RAI1: variants seen among roughly 807,000 people sequenced by gnomAD.
The protein encoded by RAI1 is retinoic acid induced 1.
RAI1 carries 9 observed loss-of-function variants against 123.8 expected under a neutral mutation model. The observed-to-expected ratio is 0.07, with a 90% CI of 0.04 to 0.13. RAI1 has a LOEUF of 0.13. Ranked by LOEUF, RAI1 falls within the 10% of genes least tolerant of loss-of-function variation. RAI1 has a pLI of 1.00. For synonymous variants in RAI1, 1,231 were observed against 1,127.3 expected (o/e 1.09, Z -1.84); for missense variants, 2,256 against 2,545.8 (o/e 0.89, Z 2.45).
intron 2 of RAI1, among the ~76,000 whole-genome samples, chr17:17,790,919 A>G (rs1419864249): frequency 6.6e-6 from 1 of 152,172 alleles, no homozygotes; most frequent in East Asian, 1.9e-4. Context: ...CCAGACCAGA[A>G]CCAAGTGCCG....
At chr17:17,718,935 G>T (rs1032576577) in intron 1 of RAI1, among the ~76,000 whole-genome samples, 6 of 152,140 alleles carry the variant, frequency 3.9e-5, no homozygotes, top group African/African-American at 1.4e-4. Flanking sequence ...TCTCCCACCA[G>T]CCCCACTAGC....
rs78612417 is a variant in RAI1, at chr17:17,800,619, C to T, written c.5565+2106C>T. Among the ~76,000 whole-genome samples, 68 of 152,342 alleles carry T rather than the reference C, an allele frequency of 4.5e-4. No homozygotes were observed. The East Asian group carries it at 5.6e-3, about 13-fold the overall frequency. The stretch of plus-strand genomic sequence containing the variant: ...GAGGCGCTAGCTTCCCTACACCACG[C>T]GGGGGCTGGAACTTGCCAGCCCAGC... On this transcript the variant is annotated intron_variant, in intron 3 of 5. Coordinates refer to ENST00000353383, the MANE Select transcript of RAI1 (RefSeq NM_030665.4). The surrounding 1 kb of genome is among the most constrained non-coding windows in gnomAD (Gnocchi z 4.7).
intron 2 of RAI1, among the ~76,000 whole-genome samples, chr17:17,772,125 A>G (rs1479928936): frequency 6.6e-6 from 1 of 152,186 alleles, no homozygotes; most frequent in African/African-American, 2.4e-5. Flanking sequence ...GGCAATATGT[A>G]CGGGAGGTTG....
At chr17:17,716,254 G>C (rs1017143939) in intron 1 of RAI1, among the ~76,000 whole-genome samples, 1 of 152,224 alleles carries the variant, frequency 6.6e-6, no homozygotes, top group African/African-American at 2.4e-5. Context: ...GGGTGGTTAA[G>C]CCACCCAGAG....
intron 1 of RAI1, chr17:17,683,523 C>G (rs1237570290): frequency 6.6e-6 from 1 of 152,254 alleles, no homozygotes; most frequent in African/African-American, 2.4e-5. Flanking sequence ...CTTCTAGTTT[C>G]CCACCCCTCC....
chr17:17,793,716 C>T lies in RAI1; in HGVS notation c.768C>T (p.Ser256=). 1 of 1,613,050 alleles carries T rather than the reference C, an allele frequency of 6.2e-7. No homozygotes were observed. Among genetic ancestry groups the T allele is most frequent in the Non-Finnish European group, 8.5e-7 (1 of 1,180,030 alleles). Residue 256 remains serine, a synonymous_variant, in exon 3 of 6, where the codon AGC becomes AGT. Coordinates refer to ENST00000353383, the MANE Select transcript of RAI1 (RefSeq NM_030665.4). ...ACAGGCCGCTGACTGCCAGCTCCAG[C>T]CTGGCCCCGGGGCAGCGGGTCCAGA... The part of the protein sequence containing the change: ...PHDRPLTASS[S]LAPGQRVQNL...
chr17:17,803,857 C>A lies in RAI1; in HGVS notation c.5659+8C>A. On this transcript the variant is annotated splice_region_variant and intron_variant, in intron 4 of 5. Transcript: ENST00000353383. The stretch of plus-strand genomic sequence containing the variant: ...CGTGTGCCAGCGATGCAGGTACGAG[C>A]CCGCCCAGGAACAGGAGGGCATTGG... The A allele has an allele frequency of 6.2e-7, 1 of 1,612,180 alleles. No individual in the cohort carries two copies. The highest frequency in any genetic ancestry group is 1.1e-5 in the South Asian group (1 of 91,072).
Position 17,810,092 on chromosome 17 carries a change from G to A in RAI1, c.*111G>A, listed in dbSNP as rs1330165878. 3.6e-6 allele frequency: 5 copies of A among 1,382,142 alleles called. No individual in the cohort carries two copies. The East Asian group carries it at 1.3e-4, about 36-fold the overall frequency. 85.6% of individuals were successfully genotyped at this position (1,382,142 alleles called of 1,614,324 possible). On this transcript the variant is annotated 3_prime_UTR_variant, in exon 6 of 6. Coordinates refer to ENST00000353383, the MANE Select transcript of RAI1 (RefSeq NM_030665.4). This position sits in a 1 kb window ranked among gnomAD's most constrained non-coding sequence, Gnocchi z 4.6. ...GGCCTTTGAGCTGCTCCCAGCGCTGGTCCAGAGCCGATCCTTGATCCGGGT... is the reference window on the plus strand; with the variant it reads ...GGCCTTTGAGCTGCTCCCAGCGCTGATCCAGAGCCGATCCTTGATCCGGGT...
chr17:17,793,237 T>C lies in RAI1; in HGVS notation c.289T>C (p.Phe97Leu). The C allele has an allele frequency of 6.2e-7, 1 of 1,611,298 alleles. No homozygotes were observed. The highest frequency in any genetic ancestry group is 8.5e-7 in the Non-Finnish European group (1 of 1,179,150). ...GCAAGGCCTGCAGGGGAGGCCGGCT[T>C]TCCCTGGCTACGGCGTCCAGGACAG... is the stretch of plus-strand genomic sequence containing the variant. ...TQQGLQGRPA[F>L]PGYGVQDSSP... The change falls in exon 3 of 6, where the codon TTC (phenylalanine) becomes CTC (leucine). Residue 97 changes from phenylalanine (F) to leucine (L), a missense_variant. This residue lies in a region of RAI1 where 336 missense variants were observed against 349.8 expected (regional missense o/e 0.96). Transcript: ENST00000353383.
At chr17:17,742,267 A>G (rs1916662726) in intron 2 of RAI1, among the ~76,000 whole-genome samples, 1 of 152,222 alleles carries the variant, frequency 6.6e-6, no homozygotes, top group Non-Finnish European at 1.5e-5. Context: ...GCCTCTGATC[A>G]TGGTTCCAGG....
At chr17:17,688,090 T>A (rs1914703329) in intron 1 of RAI1, among the ~76,000 whole-genome samples, 1 of 149,494 alleles carries the variant, frequency 6.7e-6, no homozygotes, top group African/African-American at 2.5e-5. Flanking sequence ...AAGGAGGTCC[T>A]ATAGCTTGGG....
rs369905633 is a variant in RAI1, at chr17:17,685,054, T to A, written c.-149+3261T>A. The A allele has an allele frequency of 3.2e-4, 48 of 152,336 alleles. 1 individual carries two copies. The highest frequency in any genetic ancestry group is 1.1e-3 in the African/African-American group (46 of 41,558). The allele number at this position is 152,336 out of a possible 1,614,324, so 9.4% of individuals were successfully genotyped here. On this transcript the variant is annotated intron_variant, in intron 1 of 5. Transcript: ENST00000353383. This position sits in a 1 kb window ranked among gnomAD's most constrained non-coding sequence, Gnocchi z 4.0. ...TAAATGCTGATTGCTGCCGTCATTG[T>A]TGTATTGTTATTGCTGTTCTATCTC...
chr17:17,727,016 A>G (rs1387231437), intron 2 of RAI1, among the ~76,000 whole-genome samples: 1 of 152,134 alleles, frequency 6.6e-6, no homozygotes, highest in Non-Finnish European at 1.5e-5. Context: ...CTTTTGTCCA[A>G]CATTCTGGAT....
chr17:17,771,179 C>T (rs557776911), intron 2 of RAI1, among the ~76,000 whole-genome samples: 6 of 152,292 alleles, frequency 3.9e-5, no homozygotes, highest in South Asian at 2.1e-4. Flanking sequence ...AGGAGCTACC[C>T]GCCATGTTTT....
At chr17:17,707,644 G>A (rs1915434503) in intron 1 of RAI1, among the ~76,000 whole-genome samples, 1 of 152,168 alleles carries the variant, frequency 6.6e-6, no homozygotes, top group African/African-American at 2.4e-5. Flanking sequence ...CCAGGTTGGA[G>A]TGCAGTGGCA....
chr17:17,704,624 C>T (rs1246767574), intron 1 of RAI1, among the ~76,000 whole-genome samples: 1 of 152,188 alleles, frequency 6.6e-6, no homozygotes, highest in African/African-American at 2.4e-5. Flanking sequence ...TAACTCTCAT[C>T]TGGAACGCAG....
Position 17,683,354 on chromosome 17 carries a change from T to G in RAI1, c.-149+1561T>G, listed in dbSNP as rs78077604. ...TTCCTGCCCCTGCCCCCCTCCATTC[T>G]CCATACAGTCCTCGCTCTGCTCAGG... On this transcript the variant is annotated intron_variant, in intron 1 of 5. Transcript: ENST00000353383. 7.3e-3 allele frequency among the ~76,000 whole-genome samples: 1,115 copies of G among 152,174 alleles called. 13 individuals are homozygous for G. The highest frequency in any genetic ancestry group is 0.025 in the African/African-American group (1,032 of 41,518).
At chr17:17,683,860 G>A (rs1311453120) in intron 1 of RAI1, 1 of 152,126 alleles carries the variant, frequency 6.6e-6, no homozygotes, top group East Asian at 1.9e-4. Flanking sequence ...CATAGGCAGG[G>A]ACCCTGTCTT....
At chr17:17,724,618 G>A (rs1409156775) in intron 2 of RAI1, among the ~76,000 whole-genome samples, 1 of 152,104 alleles carries the variant, frequency 6.6e-6, no homozygotes, top group Non-Finnish European at 1.5e-5. Flanking sequence ...TTCGCAATCT[G>A]CGCCCCGAAG....
Sources: allele counts gnomAD v4.1 joint callset (sites outside exome capture counted in the v4.1 genomes callset), GRCh38; gene constraint gnomAD v4.1.1; regional missense constraint gnomAD v4.1.1; non-coding constraint Gnocchi (gnomAD v3.1); transcripts MANE v1.5; gene names NCBI Gene and HGNC (gene_info 2026-07-23, HGNC 2026-07-21).